PUDP: variants seen among roughly 807,000 people sequenced by gnomAD.
PUDP encodes the protein pseudouridine-5'-phosphatase.
In PUDP, 8 loss-of-function variants were observed where a neutral mutation model predicts 9.4. The observed-to-expected ratio is 0.85, with a 90% CI of 0.50 to 1.53. The LOEUF is 1.53. Among genes scored for constraint, PUDP ranks in the 40% most tolerant of loss-of-function variants. PUDP has a pLI of 0.00. For missense variants in PUDP, 188 were observed against 189.7 expected, an observed-to-expected ratio of 0.99 and a Z score of 0.05; for synonymous variants, 99 against 80.7, an observed-to-expected ratio of 1.23 and a Z score of -1.22.
intron 1 of PUDP, among the ~76,000 whole-genome samples, chrX:7,032,405 C>A (rs1929803374): frequency 8.9e-6 from 1 of 111,888 alleles, no homozygotes; most frequent in Non-Finnish European, 1.9e-5. Context: ...CACACAAAGA[C>A]CTGTACACAG....
At chrX:6,779,169 G>A (rs376215747) in intron 3 of PUDP, among the ~76,000 whole-genome samples, 1 of 111,842 alleles carries the variant, frequency 8.9e-6, no homozygotes, top group East Asian at 2.8e-4. Context: ...AACGCCGCCG[G>A]GGGTTCACAG....
At chrX:7,016,034 A>G (rs1929543231) in intron 1 of PUDP, among the ~76,000 whole-genome samples, 1 of 109,729 alleles carries the variant, frequency 9.1e-6, no homozygotes, top group Admixed American at 9.7e-5. Flanking sequence ...GCCTCCAGGG[A>G]GAATGGGACT....
At chrX:6,837,869 T>C (rs13440664) in intron 3 of PUDP, among the ~76,000 whole-genome samples, 45,486 of 104,091 alleles carry the variant, frequency 0.44, 8,262 homozygotes, top group African/African-American at 0.66. Context: ...AAACAACAGA[T>C]GGGATATATA....
At chrX:7,096,190 T>C (rs929843055) in intron 2 of PUDP, among the ~76,000 whole-genome samples, 5 of 91,679 alleles carry the variant, frequency 5.5e-5, no homozygotes, top group Non-Finnish European at 1.1e-4. Context: ...TTGTTAGACC[T>C]ACTTCCAAAA....
intron 2 of PUDP, among the ~76,000 whole-genome samples, chrX:7,100,379 C>G (rs73627529): frequency 8.6e-4 from 96 of 111,355 alleles, no homozygotes; most frequent in African/African-American, 3.0e-3. Context: ...TCCTTGGGTT[C>G]GGCTGTCGCT....
chrX:6,811,465 C>T (rs1926142568), intron 3 of PUDP, among the ~76,000 whole-genome samples: 1 of 110,068 alleles, frequency 9.1e-6, no homozygotes, highest in Admixed American at 9.7e-5. Context: ...CAGGTGCATG[C>T]CACCATGCCC....
At chrX:6,763,843 T>C (rs918165533) in intron 3 of PUDP, among the ~76,000 whole-genome samples, 1 of 112,081 alleles carries the variant, frequency 8.9e-6, no homozygotes, top group South Asian at 3.7e-4. Flanking sequence ...CATAGATACC[T>C]TGTTCAGCAG....
At chrX:6,953,447 C>T (rs893345206) in intron 3 of PUDP, among the ~76,000 whole-genome samples, 2 of 107,426 alleles carry the variant, frequency 1.9e-5, no homozygotes, top group African/African-American at 3.4e-5. Context: ...TTCCTACTTA[C>T]ATTTCATAAG....
At chrX:6,708,123 C>G (rs1403822428) in intron 1 of PUDP, among the ~76,000 whole-genome samples, 1 of 111,808 alleles carries the variant, frequency 8.9e-6, no homozygotes, top group Admixed American at 9.5e-5. Flanking sequence ...TAACTCAAAA[C>G]AAGGACCAAC....
intron 3 of PUDP, among the ~76,000 whole-genome samples, chrX:6,852,666 CTAA>C (rs1246710023): frequency 1.8e-5 from 2 of 111,743 alleles, no homozygotes; most frequent in Non-Finnish European, 3.8e-5. Context: ...TTAAAATAGA[CTAA>C]TATCTTTAAT....
At chrX:7,086,197 A>G (rs937320925) in intron 2 of PUDP, among the ~76,000 whole-genome samples, 1 of 111,541 alleles carries the variant, frequency 9.0e-6, no homozygotes, top group Non-Finnish European at 1.9e-5. Flanking sequence ...TCTTTTCTCT[A>G]TTGCAATAGT....
At chrX:6,916,898 G>C (rs967550931) in intron 3 of PUDP, among the ~76,000 whole-genome samples, 2 of 111,940 alleles carry the variant, frequency 1.8e-5, no homozygotes, top group Admixed American at 9.5e-5. Flanking sequence ...AAAGCATTTA[G>C]TAAAACAAGG....
intron 3 of PUDP, among the ~76,000 whole-genome samples, chrX:6,850,609 A>C (rs887844355): frequency 8.9e-6 from 1 of 112,696 alleles, no homozygotes; most frequent in Non-Finnish European, 1.9e-5. Context: ...GTGGTGTTAG[A>C]AATTTACCTT....
intron 3 of PUDP, among the ~76,000 whole-genome samples, chrX:6,858,915 G>A (rs1372178398): frequency 1.8e-5 from 2 of 111,826 alleles, no homozygotes; most frequent in African/African-American, 6.5e-5. Flanking sequence ...TACCTGATAT[G>A]ACTTGGCTGT....
chrX:6,816,974 C>CT (rs1245084223), intron 3 of PUDP, among the ~76,000 whole-genome samples: 3 of 91,455 alleles, frequency 3.3e-5, no homozygotes, highest in African/African-American at 9.0e-5. Flanking sequence ...TATATATACA[C>CT]ATATAGTATA....
At chrX:6,999,452 A>G (rs1929295234) in intron 1 of PUDP, among the ~76,000 whole-genome samples, 1 of 112,187 alleles carries the variant, frequency 8.9e-6, no homozygotes, top group African/African-American at 3.2e-5. Context: ...CTGAGAAGAA[A>G]AAATACATTC....
chrX:7,123,241 G>A (rs941577246), intron 1 of PUDP, among the ~76,000 whole-genome samples: 2 of 112,314 alleles, frequency 1.8e-5, no homozygotes, highest in African/African-American at 6.5e-5. Context: ...TATAAGTGTT[G>A]ATGGGCAAAC....
intron 3 of PUDP, among the ~76,000 whole-genome samples, chrX:6,939,366 ATATTAATATTATTAATATATAT>A (rs1168483216): frequency 2.8e-5 from 3 of 106,648 alleles, no homozygotes; most frequent in Non-Finnish European, 3.8e-5. Flanking sequence ...ATTTAATGCT[ATATTAATATTATTAATATATAT>A]TATTAATATT....
In PUDP at chrX:7,147,977, G is replaced by A. The variant is rs1932910845; in HGVS notation, c.61+76C>T. The A allele has an allele frequency of 4.9e-6, 4 of 810,970 alleles. No individual in the cohort carries two copies. In the East Asian group the frequency reaches 1.7e-4, roughly 34 times the overall value. The allele number at this position is 810,970 out of a possible 1,213,427, so 66.8% of individuals were successfully genotyped here. Reference sequence around the variant, plus strand: ...CGCCCCGCCGCGGCCCCCAGGCCGTGACGTACCCCGCGCCGACCGTCCCCA... The same window carrying A: ...CGCCCCGCCGCGGCCCCCAGGCCGTAACGTACCCCGCGCCGACCGTCCCCA... On this transcript the variant is annotated intron_variant, in intron 1 of 3. Coordinates refer to ENST00000381077, the MANE Select transcript of PUDP (RefSeq NM_012080.5).
Sources: allele counts gnomAD v4.1 joint callset (sites outside exome capture counted in the v4.1 genomes callset), GRCh38; gene constraint gnomAD v4.1.1; transcripts MANE v1.5; gene names NCBI Gene and HGNC (gene_info 2026-07-23, HGNC 2026-07-21).